The following GPC6 variants were observed in gnomAD, a reference collection of about 807,000 sequenced individuals.
The protein encoded by GPC6 is glypican-6.
Under a neutral mutation model 55.2 loss-of-function variants are expected in GPC6, and 14 were observed. That is an observed-to-expected ratio of 0.25 (90% confidence interval 0.17 to 0.40). GPC6 has a LOEUF of 0.40. Among genes scored for constraint, GPC6 ranks in the 10% least tolerant of loss-of-function variants. The pLI, the probability that GPC6 is intolerant of heterozygous loss-of-function variation, is 1.00. For missense variants in GPC6, 641 were observed against 708.5 expected, an observed-to-expected ratio of 0.90 and a Z score of 1.08; for synonymous variants, 278 against 259.6, an observed-to-expected ratio of 1.07 and a Z score of -0.68.
chr13:93,773,294 T>C lies in GPC6; in HGVS notation c.320-56860T>C, dbSNP rs111473365. The stretch of plus-strand genomic sequence containing the variant: ...TTATATTCTGAGTAACAACTTTACG[T>C]ATAAATTAAATAAGTTAACATGAAG... On this transcript the variant is annotated intron_variant, in intron 2 of 8. Coordinates refer to ENST00000377047, the MANE Select transcript of GPC6 (RefSeq NM_005708.5). 4.5e-4 allele frequency among the ~76,000 whole-genome samples: 69 copies of C among 152,298 alleles called. 1 individual carries two copies. The highest frequency in any genetic ancestry group is 1.6e-3 in the African/African-American group (67 of 41,572).
At chr13:93,545,449 T>G in intron 2 of GPC6, 28 bp downstream of exon 2, 1 of 1,584,896 alleles carries the variant, frequency 6.3e-7, no homozygotes, top group Non-Finnish European at 8.7e-7. Context: ...CACTTCAGTT[T>G]GTTATAGGTG....
At chr13:93,473,925 G>A (rs534691351) in intron 1 of GPC6, among the ~76,000 whole-genome samples, 24 of 152,224 alleles carry the variant, frequency 1.6e-4, no homozygotes, top group Non-Finnish European at 2.5e-4. Flanking sequence ...CTGTGTAGTC[G>A]GCTGCCTTGG....
intron 4 of GPC6, among the ~76,000 whole-genome samples, chr13:94,107,070 C>CA (rs35725549): frequency 6.6e-6 from 1 of 151,964 alleles, no homozygotes; most frequent in African/African-American, 2.4e-5. Flanking sequence ...ATGAAAGGAG[C>CA]AAAAAAAGAC....
At chr13:93,677,400 C>T (rs951432698) in intron 2 of GPC6, among the ~76,000 whole-genome samples, 5 of 151,790 alleles carry the variant, frequency 3.3e-5, no homozygotes, top group Non-Finnish European at 7.4e-5. Flanking sequence ...ATTACAAAGG[C>T]AAAACAGTGA....
chr13:93,833,105 GATAGA>G (rs1566559270), intron 3 of GPC6, among the ~76,000 whole-genome samples: 7 of 55,618 alleles, frequency 1.3e-4, no homozygotes, highest in African/African-American at 6.9e-4. Context: ...ATAGGTAGAT[GATAGA>G]GAGAGAGAGA....
chr13:93,780,636 A>G (rs992296225), intron 2 of GPC6, among the ~76,000 whole-genome samples: 1 of 147,090 alleles, frequency 6.8e-6, no homozygotes, highest in Non-Finnish European at 1.5e-5. Flanking sequence ...CACACAAAAT[A>G]AAATTTTAAG....
chr13:93,535,814 A>T (rs554523397), intron 1 of GPC6, among the ~76,000 whole-genome samples: 1 of 152,150 alleles, frequency 6.6e-6, no homozygotes, highest in Admixed American at 6.6e-5. Flanking sequence ...TCAATGTTTC[A>T]GTTATCCCAC....
At chr13:94,251,323 G>A (rs1303239430) in intron 4 of GPC6, among the ~76,000 whole-genome samples, 1 of 151,562 alleles carries the variant, frequency 6.6e-6, no homozygotes, top group Non-Finnish European at 1.5e-5. Flanking sequence ...CAAAGCGGGG[G>A]AGAGCATTAG....
At chr13:93,597,441 G>A (rs1345694842) in intron 2 of GPC6, among the ~76,000 whole-genome samples, 1 of 152,178 alleles carries the variant, frequency 6.6e-6, no homozygotes, top group Non-Finnish European at 1.5e-5. Flanking sequence ...AACTAAGAAG[G>A]TGAGGGAGCT....
chr13:94,273,312 T>A (rs938252716), intron 4 of GPC6, among the ~76,000 whole-genome samples: 1 of 152,156 alleles, frequency 6.6e-6, no homozygotes, highest in African/African-American at 2.4e-5. Context: ...AAAGACCATC[T>A]AAGCTGTTAA....
chr13:93,998,378 T>C (rs61962269), intron 3 of GPC6, among the ~76,000 whole-genome samples: 1,832 of 152,288 alleles, frequency 0.012, 21 homozygotes, highest in Non-Finnish European at 0.016. Context: ...TCAACATTGG[T>C]TCTTGCAAAC....
At chr13:94,252,634 C>G (rs990655453) in intron 4 of GPC6, among the ~76,000 whole-genome samples, 9 of 152,036 alleles carry the variant, frequency 5.9e-5, no homozygotes, top group African/African-American at 1.9e-4. Context: ...AAAGTTGTCT[C>G]TTAGTGTGTG....
At chr13:93,843,504 T>C (rs1031024604) in intron 3 of GPC6, among the ~76,000 whole-genome samples, 1 of 152,130 alleles carries the variant, frequency 6.6e-6, no homozygotes, top group African/African-American at 2.4e-5. Flanking sequence ...ATACCTTCCA[T>C]TGGGCCCCAA....
chr13:93,327,395 A>G, intron 1 of GPC6, among the ~76,000 whole-genome samples: 1 of 151,944 alleles, frequency 6.6e-6, no homozygotes, highest in African/African-American at 2.4e-5. Flanking sequence ...AATACTTTCC[A>G]CTTCTTAGTT....
At chr13:94,232,744 C>T (rs1890768160) in intron 4 of GPC6, among the ~76,000 whole-genome samples, 1 of 151,930 alleles carries the variant, frequency 6.6e-6, no homozygotes, top group African/African-American at 2.4e-5. Context: ...GTTCCAGAAA[C>T]CTTGGAAACA....
chr13:94,085,653 G>A (rs1885256953), intron 4 of GPC6, among the ~76,000 whole-genome samples: 1 of 152,100 alleles, frequency 6.6e-6, no homozygotes, highest in Non-Finnish European at 1.5e-5. Context: ...TCACAAGCCT[G>A]TGAAAAAGGC....
chr13:93,719,201 C>A (rs909684536), intron 2 of GPC6, among the ~76,000 whole-genome samples: 5 of 151,948 alleles, frequency 3.3e-5, no homozygotes, highest in African/African-American at 1.2e-4. Context: ...ACGATTGATT[C>A]TTCCTATCCA....
At chr13:93,474,258 A>G (rs1879226477) in intron 1 of GPC6, among the ~76,000 whole-genome samples, 1 of 152,158 alleles carries the variant, frequency 6.6e-6, no homozygotes, top group South Asian at 2.1e-4. Flanking sequence ...TGTACCTTCC[A>G]GGGTCCAACT....
intron 1 of GPC6, among the ~76,000 whole-genome samples, chr13:93,359,113 C>A (rs146393233): frequency 6.6e-6 from 1 of 151,486 alleles, no homozygotes; most frequent in African/African-American, 2.4e-5. Flanking sequence ...GCTACAGATG[C>A]GTGCCACCAT....
Sources: gnomAD v4.1 joint callset for allele counts (sites outside exome capture counted in the v4.1 genomes callset) on GRCh38, gnomAD v4.1.1 for gene constraint, MANE v1.5 for transcripts, NCBI Gene and HGNC (gene_info 2026-07-23, HGNC 2026-07-21) for gene names.